MFAP2: variants seen among roughly 807,000 people sequenced by gnomAD.
The protein encoded by MFAP2 is microfibrillar-associated protein 2.
In MFAP2, 23 loss-of-function variants were observed where a neutral mutation model predicts 30.6. The observed-to-expected ratio is 0.75, with a 90% CI of 0.54 to 1.07. The LOEUF (loss-of-function observed/expected upper bound fraction) is 1.07, where lower values mean the gene tolerates loss of function less well. Among genes scored for constraint, MFAP2 ranks in the 50% least tolerant of loss-of-function variants. MFAP2 has a pLI of 0.00. For missense variants in MFAP2, 198 were observed against 223.8 expected (o/e 0.88, Z 0.74); for synonymous variants, 73 against 85.7 (o/e 0.85, Z 0.82).
At position 16,976,638 on chromosome 1, in the gene MFAP2, C is replaced by T; in HGVS notation, c.241+70G>A. 2 of 1,610,968 alleles carry T rather than the reference C, an allele frequency of 1.2e-6. No homozygotes were observed. The highest frequency in any genetic ancestry group is 1.7e-6 in the Non-Finnish European group (2 of 1,177,464). ...CTCCCAGCCCTGGCAGACCCCCACT[C>T]CCAGGGTTGACAGGGTGGGGAGGGG... is the stretch of plus-strand genomic sequence containing the variant. On this transcript the variant is annotated intron_variant, in intron 5 of 8. Transcript: ENST00000375535. The surrounding 1 kb of genome is among the most constrained non-coding windows in gnomAD (Gnocchi z 5.5).
intron 3 of MFAP2, 40 bp downstream of exon 3, chr1:16,977,069 T>A: frequency 6.2e-7 from 1 of 1,613,248 alleles, no homozygotes; most frequent in South Asian, 1.1e-5. Context: ...GCCAGGCACA[T>A]CTGAGCAGCC....
chr1:16,976,980 G>A lies in MFAP2; in HGVS notation c.128-57C>T. ...GAGTAAGGCTAATCCCCCAGCCCCTGGGGCAAACAAGTTCCCTCCTGAGCC... is the reference window on the plus strand; with the variant it reads ...GAGTAAGGCTAATCCCCCAGCCCCTAGGGCAAACAAGTTCCCTCCTGAGCC... On this transcript the variant is annotated intron_variant, in intron 3 of 8. Transcript: ENST00000375535. This position sits in a 1 kb window ranked among gnomAD's most constrained non-coding sequence, Gnocchi z 5.5. The A allele has an allele frequency of 6.2e-7, 1 of 1,613,864 alleles. No homozygotes were observed. The highest frequency in any genetic ancestry group is 8.5e-7 in the Non-Finnish European group (1 of 1,179,852).
In MFAP2 at chr1:16,976,403, G is replaced by A; in HGVS notation, c.286+98C>T. ...CCCACACTGCCAAGAGCCCACATGG[G>A]CAAGGGCCAAAGACCTCCAGCCCAC... On this transcript the variant is annotated intron_variant, in intron 6 of 8. Coordinates refer to ENST00000375535, the MANE Select transcript of MFAP2 (RefSeq NM_002403.4). This position sits in a 1 kb window ranked among gnomAD's most constrained non-coding sequence, Gnocchi z 5.5. The A allele has an allele frequency of 6.7e-7, 1 of 1,501,220 alleles. No homozygotes were observed. The allele number at this position is 1,501,220 out of a possible 1,614,324, so 93.0% of individuals were successfully genotyped here.
Position 16,975,666 on chromosome 1 carries a change from A to G in MFAP2, c.351T>C (p.Cys117=), listed in dbSNP as rs1466493603. 6.2e-7 allele frequency: 1 copy of G among 1,614,030 alleles called. No individual in the cohort carries two copies. The highest frequency in any genetic ancestry group is 8.5e-7 in the Non-Finnish European group (1 of 1,179,968). The stretch of plus-strand genomic sequence containing the variant: ...ACCTGTAGAAGCAGACCTCGTTGAG[A>G]CACTGTTTGCAAGGCCTGTGTATGG... ...LYSIHRPCKQ[C]LNEVCFYSLR... is the part of the protein sequence containing the mutation. The change falls in exon 7 of 9, where the codon TGT becomes TGC. Residue 117 remains cysteine, a synonymous_variant. Coordinates refer to ENST00000375535, the MANE Select transcript of MFAP2 (RefSeq NM_002403.4). The surrounding 1 kb of genome is among the most constrained non-coding windows in gnomAD (Gnocchi z 5.0).
Position 16,976,102 on chromosome 1 carries a change from A to C in MFAP2, c.287-372T>G. The stretch of plus-strand genomic sequence containing the variant: ...AGCACACGGATTCTCCTGCACACAC[A>C]CACCTTGTTCTTTCAAGCTCTCAGC... On this transcript the variant is annotated intron_variant, in intron 6 of 8. Coordinates refer to ENST00000375535, the MANE Select transcript of MFAP2 (RefSeq NM_002403.4). This position sits in a 1 kb window ranked among gnomAD's most constrained non-coding sequence, Gnocchi z 5.5. 2 of 465,590 alleles carry C rather than the reference A, an allele frequency of 4.3e-6. No individual in the cohort carries two copies. Among genetic ancestry groups the C allele is most frequent in the Non-Finnish European group, 3.9e-6 (1 of 254,608 alleles). The allele number at this position is 465,590 out of a possible 1,614,324, so 28.8% of individuals were successfully genotyped here.
At chr1:16,978,134 C>T in intron 2 of MFAP2, 103 bp downstream of exon 2, 1 of 1,315,734 alleles carries the variant, frequency 7.6e-7, no homozygotes, top group Non-Finnish European at 1.0e-6. Flanking sequence ...GAGCTGAGTT[C>T]TGGTCATAAG....
chr1:16,977,035 G>A (rs1485532378), intron 3 of MFAP2, 74 bp downstream of exon 3: 7 of 1,611,488 alleles, frequency 4.3e-6, no homozygotes, highest in Middle Eastern at 1.6e-4. Flanking sequence ...TCCCATCAGC[G>A]TGTCCAGTGC....
chr1:16,978,768 G>A (rs143050079), intron 1 of MFAP2, among the ~76,000 whole-genome samples: 305 of 152,282 alleles, frequency 2.0e-3, no homozygotes, highest in African/African-American at 7.1e-3. Flanking sequence ...CGGCATCACC[G>A]CCTGGACTCA....
chr1:16,978,274 G>T lies in MFAP2; in HGVS notation c.-1C>A. 1 of 1,578,030 alleles carries T rather than the reference G, an allele frequency of 6.3e-7. No individual in the cohort carries two copies. Among genetic ancestry groups the T allele is most frequent in the South Asian group, 1.2e-5 (1 of 85,918 alleles). ...GCAGGAAGAGGTAGGCAGCTCTCAT[G>T]GCAACAAAGAGGCAGGCCGGGGTGG... On this transcript the variant is annotated 5_prime_UTR_variant, in exon 2 of 9. Transcript: ENST00000375535.
chr1:16,976,309 T>G lies in MFAP2; in HGVS notation c.286+192A>C. 1.5e-6 allele frequency: 1 copy of G among 679,128 alleles called. No individual in the cohort carries two copies. Among genetic ancestry groups the G allele is most frequent in the Non-Finnish European group, 2.5e-6 (1 of 392,494 alleles). The allele number at this position is 679,128 out of a possible 1,614,324, so 42.1% of individuals were successfully genotyped here. On this transcript the variant is annotated intron_variant, in intron 6 of 8. Transcript: ENST00000375535. This position sits in a 1 kb window ranked among gnomAD's most constrained non-coding sequence, Gnocchi z 5.5. Reference sequence around the variant, plus strand: ...CAATTTAGCCTCCAGCCAGGCACACTGGGGACAGGTGGGACCTCCTGGAGC... The same window carrying G: ...CAATTTAGCCTCCAGCCAGGCACACGGGGGACAGGTGGGACCTCCTGGAGC...
upstream of MFAP2, among the ~76,000 whole-genome samples, chr1:16,981,343 G>A (rs1234099918): frequency 6.6e-6 from 1 of 152,160 alleles, no homozygotes; most frequent in African/African-American, 2.4e-5. Context: ...TCCTCAAGAT[G>A]CATCAGCTTC....
chr1:16,976,567 G>T lies in MFAP2; in HGVS notation c.242-22C>A, dbSNP rs1191463461. On this transcript the variant is annotated intron_variant, in intron 5 of 8. Transcript: ENST00000375535. The surrounding 1 kb of genome is among the most constrained non-coding windows in gnomAD (Gnocchi z 5.5). ...GGTTCTGGTGTGGAGACAGAGGTAG[G>T]CAGACATCACTGGGAGGGGTCTCCT... The T allele has an allele frequency of 6.2e-7, 1 of 1,614,078 alleles. No individual in the cohort carries two copies. Among genetic ancestry groups the T allele is most frequent in the African/African-American group, 1.3e-5 (1 of 74,960 alleles).
chr1:16,980,133 G>C (rs1045757827), intron 1 of MFAP2, among the ~76,000 whole-genome samples: 4 of 152,090 alleles, frequency 2.6e-5, no homozygotes, highest in African/African-American at 9.7e-5. Context: ...GGGTCCCGGC[G>C]GGAGAAACCC....
At position 16,978,232 on chromosome 1, in the gene MFAP2, CT is replaced by C; in HGVS notation, c.37+4del. 6.4e-7 allele frequency: 1 copy of C among 1,571,338 alleles called. No individual in the cohort carries two copies. Among genetic ancestry groups the C allele is most frequent in the South Asian group, 1.2e-5 (1 of 85,430 alleles). ...GAGCTACCCCCTGCCCCAGGAGCCA[CT>C]TACCAGGCAGGAATAGCAGGAAGAG... is the stretch of plus-strand genomic sequence containing the variant. On this transcript the variant is annotated splice_donor_region_variant and intron_variant, in intron 2 of 8. Coordinates refer to ENST00000375535, the MANE Select transcript of MFAP2 (RefSeq NM_002403.4).
In MFAP2 at chr1:16,974,786, A is replaced by G; in HGVS notation, c.*134T>C. 2.3e-6 allele frequency: 1 copy of G among 436,588 alleles called. No individual in the cohort carries two copies. The highest frequency in any genetic ancestry group is 3.9e-6 in the Non-Finnish European group (1 of 257,904). The allele number at this position is 436,588 out of a possible 1,614,324, so 27.0% of individuals were successfully genotyped here. A position where few individuals can be genotyped will look rare whatever the true frequency, so the allele number is the denominator to read the frequency against. On this transcript the variant is annotated 3_prime_UTR_variant, in exon 9 of 9. Coordinates refer to ENST00000375535, the MANE Select transcript of MFAP2 (RefSeq NM_002403.4). ...GGGGCCTGAGGCACCGCAGCCTGCA[A>G]CCCCCAGGGCTGCAGTCCACTAACT...
rs989856593 is a variant in MFAP2 at position 16,975,969 on chromosome 1, T to C, written c.287-239A>G. On this transcript the variant is annotated intron_variant, in intron 6 of 8. Transcript: ENST00000375535. This position sits in a 1 kb window ranked among gnomAD's most constrained non-coding sequence, Gnocchi z 5.0. ...AGAAGCCTAAGTTCAAACAGAAATT[T>C]GCACCCACCCATGCATCGCCACAAA... Among the ~76,000 whole-genome samples the C allele has an allele frequency of 6.6e-6, 1 of 152,076 alleles. No homozygotes were observed. Among genetic ancestry groups the C allele is most frequent in the Admixed American group, 6.6e-5 (1 of 15,266 alleles).
In MFAP2 at chr1:16,975,452, C is replaced by T. The variant is rs912445904; in HGVS notation, c.375-110G>A. 1.7e-5 allele frequency: 21 copies of T among 1,246,172 alleles called. No homozygotes were observed. Among genetic ancestry groups the T allele is most frequent in the Non-Finnish European group, 2.2e-5 (19 of 872,770 alleles). The allele number at this position is 1,246,172 out of a possible 1,614,324, so 77.2% of individuals were successfully genotyped here. ...CCGGACAGAACCTGGCACGGGAGCC[C>T]GGACAGAACCTGGCACTGGAGCCCA... On this transcript the variant is annotated intron_variant, in intron 7 of 8. Coordinates refer to ENST00000375535, the MANE Select transcript of MFAP2 (RefSeq NM_002403.4). This position sits in a 1 kb window ranked among gnomAD's most constrained non-coding sequence, Gnocchi z 5.0.
chr1:16,975,284 C>T lies in MFAP2; in HGVS notation c.433G>A (p.Glu145Lys), dbSNP rs1347227950. 3.1e-6 allele frequency: 5 copies of T among 1,613,638 alleles called. No homozygotes were observed. The highest frequency in any genetic ancestry group is 3.4e-6 in the Non-Finnish European group (4 of 1,179,822). The change falls in exon 8 of 9, where the codon GAG (glutamate) becomes AAG (lysine). Residue 145 changes from glutamate (E) to lysine (K), a missense_variant. Coordinates refer to ENST00000375535, the MANE Select transcript of MFAP2 (RefSeq NM_002403.4). This position sits in a 1 kb window ranked among gnomAD's most constrained non-coding sequence, Gnocchi z 5.0. ...EICVRTVCAHEELLRADLCRD... is the reference protein window; with the variant it reads ...EICVRTVCAHKELLRADLCRD... Reference sequence around the variant, plus strand: ...GCCTTCCTACCTCGGAGGAGCTCCTCATGGGCACACACTGTACGAACACAG... The same window carrying T: ...GCCTTCCTACCTCGGAGGAGCTCCTTATGGGCACACACTGTACGAACACAG...
chr1:16,978,316 T>A lies in MFAP2; in HGVS notation c.-41-2A>T. ...CCGGGGTGGTGTCAGAGAGGACAGC[T>A]GGGGAAAGACCGGTGGGAGAGCTCT... On this transcript the variant is annotated splice_acceptor_variant, in intron 1 of 8. Coordinates refer to ENST00000375535, the MANE Select transcript of MFAP2 (RefSeq NM_002403.4). LOFTEE classifies it low-confidence loss of function (5UTR_SPLICE). 6.4e-7 allele frequency: 1 copy of A among 1,560,994 alleles called. No individual in the cohort carries two copies. Among genetic ancestry groups the A allele is most frequent in the Non-Finnish European group, 8.7e-7 (1 of 1,151,176 alleles).
Sources: allele counts gnomAD v4.1 joint callset (sites outside exome capture counted in the v4.1 genomes callset), GRCh38; gene constraint gnomAD v4.1.1; non-coding constraint Gnocchi (gnomAD v3.1); transcripts MANE v1.5; gene names NCBI Gene and HGNC (gene_info 2026-07-23, HGNC 2026-07-21).